Variants in VPS13B observed in about 807,000 individuals in gnomAD.
VPS13B encodes intermembrane lipid transfer protein VPS13B.
Under a neutral mutation model 426.4 loss-of-function variants are expected in VPS13B, and 285 were observed. The observed-to-expected ratio is 0.67, with a 90% CI of 0.61 to 0.74. VPS13B has a LOEUF of 0.74. VPS13B is among the 30% of genes least tolerant of loss of function. VPS13B has a pLI of 0.00. For synonymous variants in VPS13B, 1,676 were observed against 1,676.4 expected, an observed-to-expected ratio of 1.00 and a Z score of 0.01; for missense variants, 4,537 against 4,782.6, an observed-to-expected ratio of 0.95 and a Z score of 1.51.
At chr8:99,641,761 A>T in intron 33 of VPS13B, 50 bp from the exon 34 acceptor site, 1 of 1,527,480 alleles carries the variant, frequency 6.5e-7, no homozygotes, top group Non-Finnish European at 8.9e-7. Context: ...TGTTTATATG[A>T]CACTTGGCAT....
chr8:99,206,259 CTG>C (rs1361313804), intron 17 of VPS13B, among the ~76,000 whole-genome samples: 1 of 152,100 alleles, frequency 6.6e-6, no homozygotes, highest in African/African-American at 2.4e-5. Context: ...ACTTTAAAAT[CTG>C]TGCTAAAGGT....
intron 19 of VPS13B, among the ~76,000 whole-genome samples, chr8:99,374,057 C>A (rs1007556677): frequency 4.6e-5 from 7 of 151,952 alleles, no homozygotes; most frequent in African/African-American, 1.5e-4. Context: ...GTATAGAAAT[C>A]TAGGTTGAAT....
chr8:99,550,292 A>G (rs927283312), intron 30 of VPS13B, among the ~76,000 whole-genome samples: 1 of 152,090 alleles, frequency 6.6e-6, no homozygotes, highest in Admixed American at 6.6e-5. Context: ...AGTCATTTTC[A>G]TGTAGAAAAA....
intron 33 of VPS13B, among the ~76,000 whole-genome samples, chr8:99,638,139 A>T (rs75395933): frequency 0.033 from 5,003 of 152,170 alleles, 101 homozygotes; most frequent in East Asian, 0.061. Context: ...ATCTTACTGA[A>T]TTTTTAAATA....
At chr8:99,122,914 AC>A (rs1336795559) in intron 8 of VPS13B, among the ~76,000 whole-genome samples, 2 of 152,038 alleles carry the variant, frequency 1.3e-5, no homozygotes, top group African/African-American at 4.8e-5. Flanking sequence ...GGAATTCGAG[AC>A]CAGCCTGACC....
intron 17 of VPS13B, among the ~76,000 whole-genome samples, chr8:99,257,006 G>A (rs986947585): frequency 6.6e-6 from 1 of 152,106 alleles, no homozygotes; most frequent in Non-Finnish European, 1.5e-5. Context: ...GTATAGAGTA[G>A]TTTCATAGTA....
At chr8:99,853,423 C>A in intron 55 of VPS13B, 28 bp from the exon 56 acceptor site, 1 of 1,611,904 alleles carries the variant, frequency 6.2e-7, no homozygotes, top group Non-Finnish European at 8.5e-7. Context: ...AGTGGGGGGA[C>A]TAATGTTCTT....
intron 16 of VPS13B, among the ~76,000 whole-genome samples, chr8:99,181,960 TAAA>T (rs1259824890): frequency 1.3e-5 from 2 of 151,610 alleles, no homozygotes; most frequent in Non-Finnish European, 2.9e-5. Flanking sequence ...TACAACCAAT[TAAA>T]AAATGGGCAA....
rs1817716526 is a variant in VPS13B at position 99,876,717 on chromosome 8, A to G, written c.*1051A>G. The G allele has an allele frequency of 1.3e-5, 2 of 152,188 alleles. No homozygotes were observed. 9.4% of individuals were successfully genotyped at this position (152,188 alleles called of 1,614,324 possible). On this transcript the variant is annotated 3_prime_UTR_variant, in exon 62 of 62. Transcript: ENST00000357162. ...ATCTTGGGTTACCAAGATGTCTTAA[A>G]TGTTCAGTAAATATCTTTCTTACAG...
rs1486933497 is a variant in VPS13B, at chr8:99,380,309, A to C, written c.2825-3899A>C. Reference sequence around the variant, plus strand: ...GGGAAGTAGAAGAATTTAGGTCCTTATGAGAAATTTGCAATCTATGAAAGT... The same window carrying C: ...GGGAAGTAGAAGAATTTAGGTCCTTCTGAGAAATTTGCAATCTATGAAAGT... On this transcript the variant is annotated intron_variant, in intron 19 of 61. Coordinates refer to ENST00000357162, the MANE Select transcript of VPS13B (RefSeq NM_152564.5). Among the ~76,000 whole-genome samples the C allele has an allele frequency of 6.6e-5, 10 of 152,304 alleles. No homozygotes were observed. The East Asian group carries it at 1.9e-3, about 29-fold the overall frequency.
chr8:99,544,125 A>T (rs542807868), intron 30 of VPS13B, among the ~76,000 whole-genome samples: 1 of 151,802 alleles, frequency 6.6e-6, no homozygotes, highest in African/African-American at 2.4e-5. Flanking sequence ...ATGGAATACT[A>T]TGCAGCCATA....
At chr8:99,762,738 G>T (rs1385103872) in intron 39 of VPS13B, among the ~76,000 whole-genome samples, 2 of 152,102 alleles carry the variant, frequency 1.3e-5, no homozygotes, top group East Asian at 3.9e-4. Flanking sequence ...CTTACTATGT[G>T]ATATTAAATA....
chr8:99,664,684 A>T (rs976154107), intron 35 of VPS13B, among the ~76,000 whole-genome samples: 9 of 152,168 alleles, frequency 5.9e-5, no homozygotes, highest in Non-Finnish European at 1.0e-4. Flanking sequence ...TCCATGGTGT[A>T]TATGTGCCAC....
chr8:99,776,700 AT>A, intron 40 of VPS13B, 74 bp from the exon 41 acceptor site: 1 of 1,399,308 alleles, frequency 7.1e-7, no homozygotes, highest in East Asian at 2.3e-5. Flanking sequence ...AGAAACCCTT[AT>A]AAAAAGACGT....
intron 17 of VPS13B, among the ~76,000 whole-genome samples, chr8:99,262,958 A>G (rs1490903073): frequency 6.6e-6 from 1 of 151,898 alleles, no homozygotes; most frequent in Non-Finnish European, 1.5e-5. Context: ...TTTTTTTTGT[A>G]GAGATGGGGT....
intron 28 of VPS13B, among the ~76,000 whole-genome samples, chr8:99,508,369 C>A (rs752257555): frequency 3.3e-5 from 5 of 152,174 alleles, no homozygotes; most frequent in Non-Finnish European, 5.9e-5. Flanking sequence ...TAGATGAACA[C>A]AAGGCTGTAT....
chr8:99,309,112 T>G (rs934019415), intron 19 of VPS13B, among the ~76,000 whole-genome samples: 5 of 152,190 alleles, frequency 3.3e-5, no homozygotes, highest in Non-Finnish European at 7.4e-5. Context: ...TTGCAAAAAT[T>G]TTCTCCCATT....
At chr8:99,336,949 G>A (rs1317042992) in intron 19 of VPS13B, among the ~76,000 whole-genome samples, 5 of 152,058 alleles carry the variant, frequency 3.3e-5, no homozygotes, top group Non-Finnish European at 5.9e-5. Flanking sequence ...GTGGAAGTCA[G>A]TGTGGCGATT....
chr8:99,826,552 AC>A (rs1309656679), intron 51 of VPS13B, among the ~76,000 whole-genome samples: 10 of 152,102 alleles, frequency 6.6e-5, no homozygotes, highest in Non-Finnish European at 1.3e-4. Flanking sequence ...CTATTTGAAT[AC>A]CCTTTATTTC....
Sources: gnomAD v4.1 joint callset for allele counts (sites outside exome capture counted in the v4.1 genomes callset) on GRCh38, gnomAD v4.1.1 for gene constraint, MANE v1.5 for transcripts, NCBI Gene and HGNC (gene_info 2026-07-23, HGNC 2026-07-21) for gene names.